Variants in ALDH1A2 observed in about 807,000 individuals in gnomAD.
The protein encoded by ALDH1A2 is aldehyde dehydrogenase 1 family member A2.
A neutral mutation model predicts 60.3 loss-of-function variants in ALDH1A2; 27 were observed. That is an observed-to-expected ratio of 0.45 (90% confidence interval 0.33 to 0.62). ALDH1A2 has a LOEUF of 0.62. ALDH1A2 is among the 20% of genes least tolerant of loss of function. ALDH1A2 has a pLI of 0.02. For missense variants in ALDH1A2, 581 were observed against 643.8 expected (o/e 0.90, Z 1.06); for synonymous variants, 289 against 232.4 (o/e 1.24, Z -2.21).
intron 1 of ALDH1A2, among the ~76,000 whole-genome samples, chr15:58,037,039 G>C (rs537006503): frequency 6.6e-6 from 1 of 151,600 alleles, no homozygotes; most frequent in South Asian, 2.1e-4. Flanking sequence ...AAAGAAGAAA[G>C]AAATGGACAT....
At chr15:58,053,406 A>C (rs1186859737) in intron 1 of ALDH1A2, among the ~76,000 whole-genome samples, 1 of 152,162 alleles carries the variant, frequency 6.6e-6, no homozygotes, top group Non-Finnish European at 1.5e-5. Flanking sequence ...GCATTATTTC[A>C]ACAGTTGTCC....
At chr15:58,022,232 T>C (rs1434023531) in intron 1 of ALDH1A2, among the ~76,000 whole-genome samples, 1 of 152,096 alleles carries the variant, frequency 6.6e-6, no homozygotes, top group Non-Finnish European at 1.5e-5. Flanking sequence ...TAGATTGAGG[T>C]CCTGGAGATT....
chr15:57,957,482 C>G (rs1320545339), intron 12 of ALDH1A2, among the ~76,000 whole-genome samples: 2 of 152,166 alleles, frequency 1.3e-5, no homozygotes, highest in African/African-American at 4.8e-5. Context: ...CCATCTTGTT[C>G]CAGGATTTCT....
At chr15:57,969,778 C>T (rs1385259434) in intron 7 of ALDH1A2, among the ~76,000 whole-genome samples, 1 of 152,046 alleles carries the variant, frequency 6.6e-6, no homozygotes, top group Non-Finnish European at 1.5e-5. Context: ...TTTAGTTCGC[C>T]ATCACCTTTT....
At chr15:57,968,708 T>TAAGA (rs1893970521) in intron 7 of ALDH1A2, among the ~76,000 whole-genome samples, 1 of 152,204 alleles carries the variant, frequency 6.6e-6, no homozygotes, top group Non-Finnish European at 1.5e-5. Context: ...TTACACATAG[T>TAAGA]AAGATGCTGA....
rs34094692 is a variant in ALDH1A2 at position 57,967,596 on chromosome 15, T to TA, written c.799-1770dup. On this transcript the variant is annotated intron_variant, in intron 7 of 12. Transcript: ENST00000249750. Reference sequence around the variant, plus strand: ...CATTAACTGTAACTCTGCCTCCTCCTAAAAAAGATTTTGAAAATGTATCCC... The same window carrying TA: ...CATTAACTGTAACTCTGCCTCCTCCTAAAAAAAGATTTTGAAAATGTATCCC... Among the ~76,000 whole-genome samples, 238 of 152,256 alleles carry TA rather than the reference T, an allele frequency of 1.6e-3. 2 individuals are homozygous for TA. Among genetic ancestry groups the TA allele is most frequent in the African/African-American group, 3.9e-3 (161 of 41,550 alleles).
At chr15:58,040,826 T>C (rs1214653442) in intron 1 of ALDH1A2, among the ~76,000 whole-genome samples, 1 of 151,920 alleles carries the variant, frequency 6.6e-6, no homozygotes, top group African/African-American at 2.4e-5. Context: ...AGACACTTTT[T>C]ACACATATTA....
intron 1 of ALDH1A2, among the ~76,000 whole-genome samples, chr15:58,047,078 C>CT (rs1173065680): frequency 1.3e-5 from 2 of 151,994 alleles, no homozygotes; most frequent in Non-Finnish European, 2.9e-5. Context: ...ATGGCCATAA[C>CT]TATATAGGCA....
At chr15:58,009,781 G>A (rs762715994) in intron 4 of ALDH1A2, among the ~76,000 whole-genome samples, 1 of 151,922 alleles carries the variant, frequency 6.6e-6, no homozygotes, top group Non-Finnish European at 1.5e-5. Context: ...CTGTGAATTA[G>A]GAAAACTAAT....
At chr15:58,039,056 T>C (rs1408800297) in intron 1 of ALDH1A2, among the ~76,000 whole-genome samples, 1 of 151,798 alleles carries the variant, frequency 6.6e-6, no homozygotes, top group African/African-American at 2.4e-5. Flanking sequence ...CCCCTTGAAT[T>C]CTTTTGCAAT....
intron 1 of ALDH1A2, among the ~76,000 whole-genome samples, chr15:58,045,334 G>A (rs777234226): frequency 6.6e-6 from 1 of 152,052 alleles, no homozygotes; most frequent in Non-Finnish European, 1.5e-5. Flanking sequence ...GAGACAGTGT[G>A]TCGACTCCTC....
intron 4 of ALDH1A2, among the ~76,000 whole-genome samples, chr15:58,005,730 T>C (rs1895427779): frequency 6.6e-6 from 1 of 151,934 alleles, no homozygotes; most frequent in Non-Finnish European, 1.5e-5. Context: ...TCAGGTTCTT[T>C]TTTTATGGGT....
Position 58,006,705 on chromosome 15 carries a change from C to CTTT in ALDH1A2, c.493+3941_493+3943dup, listed in dbSNP as rs57137492. On this transcript the variant is annotated intron_variant, in intron 4 of 12. Transcript: ENST00000249750. ...ATTTTTTTTATTTTTAAATTATGGA[C>CTTT]TTTTTTTTTTTTTGCAGTAGTGAGG... Among the ~76,000 whole-genome samples the CTTT allele has an allele frequency of 1.1e-3, 147 of 138,704 alleles. 1 individual carries two copies. Among genetic ancestry groups the CTTT allele is most frequent in the East Asian group, 1.7e-3 (8 of 4,800 alleles). The allele number at this position is 138,704 out of a possible 152,430, so 91.0% of individuals were successfully genotyped here.
At chr15:58,065,320 G>C (rs766623646) in intron 1 of ALDH1A2, 3 of 597,344 alleles carry the variant, frequency 5.0e-6, no homozygotes, top group Non-Finnish European at 9.0e-6. Flanking sequence ...GCTTCGGGTT[G>C]GGTTAAGTCC....
chr15:57,985,735 G>C (rs557988818), intron 7 of ALDH1A2, among the ~76,000 whole-genome samples: 1 of 152,186 alleles, frequency 6.6e-6, no homozygotes, highest in African/African-American at 2.4e-5. Context: ...TACTGAGAAG[G>C]CCTAAGGGAT....
chr15:58,013,261 A>T (rs974073271), intron 3 of ALDH1A2, among the ~76,000 whole-genome samples: 2 of 152,170 alleles, frequency 1.3e-5, no homozygotes, highest in African/African-American at 2.4e-5. Context: ...TTTCATTCTC[A>T]TAAGAATCAT....
At chr15:58,012,829 A>G (rs1018466403) in intron 3 of ALDH1A2, among the ~76,000 whole-genome samples, 21 of 152,156 alleles carry the variant, frequency 1.4e-4, no homozygotes, top group Admixed American at 5.9e-4. Context: ...AGCAAGCCCA[A>G]TAGTGACCTA....
chr15:58,049,260 C>T (rs74018830), intron 1 of ALDH1A2, among the ~76,000 whole-genome samples: 370 of 152,094 alleles, frequency 2.4e-3, no homozygotes, highest in African/African-American at 8.5e-3. Context: ...CTATTCCTCT[C>T]GCATGATTTC....
rs1186094456 is a variant in ALDH1A2 at position 57,954,120 on chromosome 15, C to G, written c.*1077G>C. On this transcript the variant is annotated 3_prime_UTR_variant, in exon 13 of 13. Coordinates refer to ENST00000249750, the MANE Select transcript of ALDH1A2 (RefSeq NM_003888.4). The stretch of plus-strand genomic sequence containing the variant: ...TGGAAAAGGAAACCCCTAGGCTTGG[C>G]CAGATTTTCCAAGGTCACTGCCAAT... The G allele has an allele frequency of 1.3e-5, 2 of 152,268 alleles. No individual in the cohort carries two copies. Among genetic ancestry groups the G allele is most frequent in the African/African-American group, 4.8e-5 (2 of 41,422 alleles). 9.4% of individuals were successfully genotyped at this position (152,268 alleles called of 1,614,324 possible).
Sources: gnomAD v4.1 joint callset for allele counts (sites outside exome capture counted in the v4.1 genomes callset) on GRCh38, gnomAD v4.1.1 for gene constraint, MANE v1.5 for transcripts, NCBI Gene and HGNC (gene_info 2026-07-23, HGNC 2026-07-21) for gene names.